Variants in MDGA2 observed in about 807,000 individuals in gnomAD.
MDGA2 encodes MAM domain-containing glycosylphosphatidylinositol anchor protein 2.
Under a neutral mutation model 117.8 loss-of-function variants are expected in MDGA2, and 40 were observed. The ratio of observed to expected loss-of-function variants is 0.34; its 90% CI spans 0.26 to 0.44. The LOEUF is 0.44. MDGA2 is among the 20% of genes least tolerant of loss of function. The pLI is 1.00. For synonymous variants in MDGA2, 452 were observed against 439.0 expected, an observed-to-expected ratio of 1.03 and a Z score of -0.37; for missense variants, 1,123 against 1,250.6, an observed-to-expected ratio of 0.90 and a Z score of 1.54.
At chr14:47,315,459 G>C (rs547497033) in intron 1 of MDGA2, among the ~76,000 whole-genome samples, 1 of 152,212 alleles carries the variant, frequency 6.6e-6, no homozygotes, top group Non-Finnish European at 1.5e-5. Context: ...TTTCTTGGCA[G>C]GGTCTCAGTA....
chr14:47,626,284 C>T (rs1249873834), intron 1 of MDGA2: 1 of 152,254 alleles, frequency 6.6e-6, no homozygotes, highest in Non-Finnish European at 1.5e-5. Context: ...GAATTCTGGA[C>T]AACAGCCGCC....
intron 1 of MDGA2, among the ~76,000 whole-genome samples, chr14:47,554,503 C>A (rs560222240): frequency 6.6e-6 from 1 of 152,196 alleles, no homozygotes. Context: ...GGTAATAATT[C>A]TTGGGAAAAT....
intron 9 of MDGA2, among the ~76,000 whole-genome samples, chr14:46,921,524 G>A (rs1341474946): frequency 6.6e-6 from 1 of 151,368 alleles, no homozygotes; most frequent in Non-Finnish European, 1.5e-5. Context: ...TTGCTGTGGT[G>A]GGAGGATCAC....
At chr14:47,570,023 T>G (rs555204495) in intron 1 of MDGA2, among the ~76,000 whole-genome samples, 2 of 152,278 alleles carry the variant, frequency 1.3e-5, no homozygotes, top group South Asian at 4.1e-4. Flanking sequence ...AAACTGGAAT[T>G]AAGTGTAACC....
intron 6 of MDGA2, among the ~76,000 whole-genome samples, chr14:47,096,504 T>C (rs1879976778): frequency 6.7e-6 from 1 of 149,120 alleles, no homozygotes; most frequent in African/African-American, 2.5e-5. Context: ...ACTGAATTCC[T>C]AAACTATTAT....
intron 1 of MDGA2, among the ~76,000 whole-genome samples, chr14:47,322,359 C>G (rs1890005214): frequency 6.6e-6 from 1 of 152,192 alleles, no homozygotes; most frequent in South Asian, 2.1e-4. Flanking sequence ...AGGTTATCCT[C>G]TGACAACAGT....
At chr14:46,910,834 T>C (rs535824613) in intron 10 of MDGA2, among the ~76,000 whole-genome samples, 1 of 152,152 alleles carries the variant, frequency 6.6e-6, no homozygotes, top group Non-Finnish European at 1.5e-5. Context: ...TGCAATTATA[T>C]CCTTTGCGGG....
intron 1 of MDGA2, among the ~76,000 whole-genome samples, chr14:47,383,901 C>CA (rs1310234018): frequency 6.6e-6 from 1 of 151,664 alleles, no homozygotes; most frequent in Non-Finnish European, 1.5e-5. Flanking sequence ...ATGCCTGAGA[C>CA]AAAAAAATTG....
chr14:47,130,465 G>A (rs1882146937), intron 5 of MDGA2, among the ~76,000 whole-genome samples: 2 of 152,088 alleles, frequency 1.3e-5, no homozygotes, highest in Admixed American at 1.3e-4. Context: ...ATAAGTTTCT[G>A]ATGAATAGAA....
At chr14:47,577,918 G>C (rs889545121) in intron 1 of MDGA2, among the ~76,000 whole-genome samples, 3 of 152,138 alleles carry the variant, frequency 2.0e-5, no homozygotes, top group African/African-American at 7.2e-5. Context: ...TCCCATTACT[G>C]GGTATATACC....
intron 7 of MDGA2, among the ~76,000 whole-genome samples, chr14:47,049,536 A>T (rs994137726): frequency 4.0e-5 from 6 of 151,444 alleles, no homozygotes; most frequent in African/African-American, 9.7e-5. Flanking sequence ...TCTTCTGAAT[A>T]TTTTTTTATA....
intron 3 of MDGA2, among the ~76,000 whole-genome samples, chr14:47,189,507 G>A (rs978812129): frequency 1.3e-5 from 2 of 151,918 alleles, no homozygotes; most frequent in Admixed American, 1.3e-4. Context: ...ATCGAGTCAG[G>A]TGTCATTTCT....
At chr14:47,482,214 A>T (rs1312882134) in intron 1 of MDGA2, among the ~76,000 whole-genome samples, 1 of 152,008 alleles carries the variant, frequency 6.6e-6, no homozygotes, top group Non-Finnish European at 1.5e-5. Context: ...GGTGTGGGAG[A>T]AAATTATATG....
intron 3 of MDGA2, among the ~76,000 whole-genome samples, chr14:47,190,199 A>G (rs1885058867): frequency 6.6e-6 from 1 of 152,202 alleles, no homozygotes; most frequent in Admixed American, 6.6e-5. Context: ...GGACATGGCC[A>G]CTTTGCTGAT....
intron 1 of MDGA2, among the ~76,000 whole-genome samples, chr14:47,579,977 AGAGG>A (rs1453181806): frequency 6.6e-6 from 1 of 152,082 alleles, no homozygotes; most frequent in Non-Finnish European, 1.5e-5. Flanking sequence ...GTAGGTTCAA[AGAGG>A]GAGGAATTAT....
intron 1 of MDGA2, among the ~76,000 whole-genome samples, chr14:47,566,537 C>A (rs776285792): frequency 1.3e-5 from 2 of 152,204 alleles, no homozygotes; most frequent in African/African-American, 2.4e-5. Flanking sequence ...GGGCTGCACA[C>A]ATGCTGGAGT....
chr14:47,616,607 G>T (rs1896952441), intron 1 of MDGA2, among the ~76,000 whole-genome samples: 1 of 152,052 alleles, frequency 6.6e-6, no homozygotes, highest in Non-Finnish European at 1.5e-5. Flanking sequence ...TGGGCCAAAT[G>T]GTTCCTTAGG....
intron 7 of MDGA2, among the ~76,000 whole-genome samples, chr14:47,045,339 T>A (rs942894631): frequency 2.0e-5 from 3 of 152,106 alleles, no homozygotes; most frequent in African/African-American, 7.2e-5. Flanking sequence ...TAATAAAATA[T>A]TTTTTAGAAT....
chr14:46,984,977 T>C (rs1886809642), intron 8 of MDGA2, among the ~76,000 whole-genome samples: 1 of 152,022 alleles, frequency 6.6e-6, no homozygotes, highest in African/African-American at 2.4e-5. Context: ...TCTTTAAATA[T>C]CAGTACATTT....
Sources: allele counts gnomAD v4.1 joint callset (sites outside exome capture counted in the v4.1 genomes callset), GRCh38; gene constraint gnomAD v4.1.1; transcripts MANE v1.5; gene names NCBI Gene and HGNC (gene_info 2026-07-23, HGNC 2026-07-21).